DNAI4: variants seen among roughly 807,000 people sequenced by gnomAD.
DNAI4 encodes the protein WD repeat domain 78.
In DNAI4, 85 loss-of-function variants were observed where a neutral mutation model predicts 105.8. The observed-to-expected ratio is 0.80, with a 90% CI of 0.67 to 0.96. DNAI4 has a LOEUF of 0.96. Ranked by LOEUF, DNAI4 falls within the 40% of genes least tolerant of loss-of-function variation. The probability of loss-of-function intolerance (pLI) is 0.00; values close to 1 mark genes in which losing one functional copy is unlikely to be tolerated. For synonymous variants in DNAI4, 352 were observed against 331.5 expected (o/e 1.06, Z -0.67); for missense variants, 1,014 against 1,005.6 (o/e 1.01, Z -0.11).
intron 1 of DNAI4, among the ~76,000 whole-genome samples, chr1:66,909,504 T>C (rs1235497366): frequency 6.6e-6 from 1 of 151,910 alleles, no homozygotes; most frequent in Non-Finnish European, 1.5e-5. Context: ...TTTTTTTAAC[T>C]TGGATCGTAG....
intron 7 of DNAI4, among the ~76,000 whole-genome samples, chr1:66,849,231 T>G (rs888310534): frequency 6.6e-6 from 1 of 152,196 alleles, no homozygotes; most frequent in Admixed American, 6.5e-5. Context: ...GTAGGCCACA[T>G]GTGTAGCACT....
intron 15 of DNAI4, among the ~76,000 whole-genome samples, chr1:66,824,435 A>G (rs575570508): frequency 2.0e-5 from 3 of 152,262 alleles, no homozygotes; most frequent in Admixed American, 6.5e-5. Flanking sequence ...AGTTTTTCCA[A>G]TTCTGTGAAG....
intron 4 of DNAI4, among the ~76,000 whole-genome samples, chr1:66,884,745 G>T (rs1473408350): frequency 6.6e-6 from 1 of 152,108 alleles, no homozygotes; most frequent in Non-Finnish European, 1.5e-5. Context: ...AATTAGTTTG[G>T]AAATGTTCCC....
intron 4 of DNAI4, among the ~76,000 whole-genome samples, chr1:66,878,345 T>A (rs1647001060): frequency 6.6e-6 from 1 of 152,168 alleles, no homozygotes; most frequent in Non-Finnish European, 1.5e-5. Context: ...GTTTGTTTAT[T>A]GTAGAGTTTT....
chr1:66,841,445 CA>C (rs1646146059), intron 8 of DNAI4, among the ~76,000 whole-genome samples: 1 of 152,322 alleles, frequency 6.6e-6, no homozygotes, highest in Non-Finnish European at 1.5e-5. Flanking sequence ...TCTTACGGAA[CA>C]ACAGTTGCAA....
At chr1:66,888,552 G>C (rs1325756406) in intron 4 of DNAI4, among the ~76,000 whole-genome samples, 1 of 152,184 alleles carries the variant, frequency 6.6e-6, no homozygotes, top group African/African-American at 2.4e-5. Context: ...AATTAGCCAG[G>C]CATGGTGGCA....
intron 8 of DNAI4, among the ~76,000 whole-genome samples, chr1:66,845,616 C>T (rs963238662): frequency 1.3e-5 from 2 of 152,138 alleles, no homozygotes; most frequent in African/African-American, 4.8e-5. Context: ...AAGTGTCCCT[C>T]AGTGTGTGAA....
chr1:66,846,831 T>C (rs776327263), intron 8 of DNAI4, among the ~76,000 whole-genome samples: 3 of 152,234 alleles, frequency 2.0e-5, no homozygotes, highest in Admixed American at 6.5e-5. Flanking sequence ...AGTTTCTTCA[T>C]TCATGTATTT....
intron 6 of DNAI4, chr1:66,871,127 A>G (rs1488918397): frequency 1.2e-5 from 5 of 421,328 alleles, no homozygotes; most frequent in Non-Finnish European, 2.1e-5. Context: ...AAAGAGTATA[A>G]AGTTCTATGA....
intron 7 of DNAI4, among the ~76,000 whole-genome samples, chr1:66,850,055 T>C (rs1202788173): frequency 6.7e-6 from 1 of 148,246 alleles, no homozygotes; most frequent in Non-Finnish European, 1.5e-5. Context: ...GCAAACATAT[T>C]CAAGAAATGA....
chr1:66,896,582 G>T (rs1648357654), intron 2 of DNAI4, among the ~76,000 whole-genome samples: 3 of 152,096 alleles, frequency 2.0e-5, no homozygotes, highest in Non-Finnish European at 4.4e-5. Context: ...CTCACAAATG[G>T]ATTAATCCAT....
chr1:66,914,343 A>C (rs980048966), intron 1 of DNAI4, among the ~76,000 whole-genome samples: 4 of 152,122 alleles, frequency 2.6e-5, no homozygotes, highest in African/African-American at 7.2e-5. Flanking sequence ...TGCCTGCTCT[A>C]AATCTGCTGT....
rs1187323724 is a variant in DNAI4 at position 66,840,654 on chromosome 1, G to T, written c.1309C>A (p.Pro437Thr). 1 of 1,613,812 alleles carries T rather than the reference G, an allele frequency of 6.2e-7. No individual in the cohort carries two copies. Among genetic ancestry groups the T allele is most frequent in the Non-Finnish European group, 8.5e-7 (1 of 1,179,972 alleles). ...TTTGCACTTTCTAAAACATCTTCAGGCTCTTCAGGTTCAGGTTCTAAAGTT... is the reference window on the plus strand; with the variant it reads ...TTTGCACTTTCTAAAACATCTTCAGTCTCTTCAGGTTCAGGTTCTAAAGTT... The part of the protein sequence containing the change: ...PVLKEPEPEE[P>T]EDVLESAKHE... Residue 437 changes from proline (P) to threonine (T), a missense_variant, in exon 9 of 17, where the codon CCT becomes ACT. By Grantham distance (38) the Pro-to-Thr change is conservative. Coordinates refer to ENST00000371026, the MANE Select transcript of DNAI4 (RefSeq NM_024763.5).
chr1:66,814,132 A>T lies in DNAI4; in HGVS notation c.2545T>A (p.Ter849LysextTer30). Residue 849 changes from the stop codon to lysine, a stop_lost, in exon 17 of 17, where the codon TAA (stop) becomes AAA (lysine). Transcript: ENST00000371026. ...LLGSKSNQSA[*>K] ...AGAAAAATATTAGGAATGATGAATT[A>T]TGCTGATTGGTTTGACTTGGATCCA... 1 of 1,590,350 alleles carries T rather than the reference A, an allele frequency of 6.3e-7. No homozygotes were observed. The highest frequency in any genetic ancestry group is 8.5e-7 in the Non-Finnish European group (1 of 1,176,670).
In DNAI4 at chr1:66,840,603, T is replaced by TA; in HGVS notation, c.1359dup (p.Lys454Ter). 6.2e-7 allele frequency: 1 copy of TA among 1,614,170 alleles called. No homozygotes were observed. The highest frequency in any genetic ancestry group is 1.1e-5 in the South Asian group (1 of 91,076). On this transcript the variant is annotated frameshift_variant, in exon 9 of 17. Coordinates refer to ENST00000371026, the MANE Select transcript of DNAI4 (RefSeq NM_024763.5). LOFTEE classifies it high-confidence loss of function. ...TGTATTTCTTCTTCCTCCTCCTTCT[T>TA]AGATTCTTCCTCTACCTCTTCATGT...
intron 2 of DNAI4, among the ~76,000 whole-genome samples, chr1:66,903,126 T>C (rs1185357065): frequency 1.3e-5 from 2 of 152,242 alleles, no homozygotes; most frequent in Non-Finnish European, 2.9e-5. Context: ...TAAGTCACTT[T>C]AGGTAGTATT....
intron 1 of DNAI4, among the ~76,000 whole-genome samples, chr1:66,918,260 A>C (rs1364874600): frequency 6.6e-6 from 1 of 152,252 alleles, no homozygotes. Flanking sequence ...ACTGGAGAGA[A>C]AAATTATGTT....
At chr1:66,856,737 T>C (rs1044272344) in intron 7 of DNAI4, among the ~76,000 whole-genome samples, 2 of 151,940 alleles carry the variant, frequency 1.3e-5, no homozygotes, top group East Asian at 1.9e-4. Context: ...AAATAACAAA[T>C]AGGTCAAAGA....
chr1:66,847,421 G>T (rs961277449), intron 8 of DNAI4, 63 bp downstream of exon 8: 170 of 1,478,750 alleles, frequency 1.1e-4, no homozygotes, highest in Admixed American at 3.7e-4. Context: ...GCCTCCCAAA[G>T]TACTGGGATT....
Sources: gnomAD v4.1 joint callset for allele counts (sites outside exome capture counted in the v4.1 genomes callset) on GRCh38, gnomAD v4.1.1 for gene constraint, MANE v1.5 for transcripts, NCBI Gene and HGNC (gene_info 2026-07-23, HGNC 2026-07-21) for gene names.